The following CDH23 variants were observed in gnomAD, a reference collection of about 807,000 sequenced individuals.
CDH23 encodes the protein cadherin-23.
Under a neutral mutation model 317.1 loss-of-function variants are expected in CDH23, and 189 were observed. The observed-to-expected ratio is 0.60, with a 90% CI of 0.53 to 0.67. The LOEUF (loss-of-function observed/expected upper bound fraction) is 0.67. Ranked by LOEUF, CDH23 falls within the 30% of genes least tolerant of loss-of-function variation. The probability of loss-of-function intolerance (pLI) is 0.00; values close to 1 mark genes in which losing one functional copy is unlikely to be tolerated. For synonymous variants in CDH23, 1,839 were observed against 1,876.8 expected (o/e 0.98, Z 0.52); for missense variants, 4,401 against 4,592.4 (o/e 0.96, Z 1.20).
chr10:71,814,681 T>TAC lies in CDH23; in HGVS notation c.9739-259_9739-258dup, dbSNP rs111594040. Among the ~76,000 whole-genome samples, 35,880 of 147,734 alleles carry TAC rather than the reference T, an allele frequency of 0.24. 4,952 individuals carry two copies. Among genetic ancestry groups the TAC allele is most frequent in the African/African-American group, 0.37 (15,156 of 40,610 alleles). On this transcript the variant is annotated intron_variant, in intron 69 of 69. Transcript: ENST00000224721. ...ACACACAATTTTCACAAGAAGCCGA[T>TAC]ACACACACACACAATTTTCACAAGA...
chr10:71,752,308 AC>A (rs1748190724), intron 38 of CDH23, among the ~76,000 whole-genome samples: 1 of 152,046 alleles, frequency 6.6e-6, no homozygotes. Context: ...ACTTCTGAAG[AC>A]CCCTGCAACT....
chr10:71,403,329 T>TCC (rs1372529060), intron 1 of CDH23, among the ~76,000 whole-genome samples: 2,920 of 24,210 alleles, frequency 0.12, 581 homozygotes, highest in African/African-American at 0.31. Context: ...CTTCCTTCCT[T>TCC]TCTTTCTTTC....
At position 71,811,556 on chromosome 10, in the gene CDH23, C is replaced by G. The variant is rs1841925944; in HGVS notation, c.9244C>G (p.Leu3082Val). ...TATCCTCCTGTTCCTGGCCGCCATG[C>G]TCTTTGTCCTCATGAACTGGTACTA... ...LAILLFLAAM[L>V]FVLMNWYYRT... is the part of the protein sequence containing the mutation. Residue 3082 changes from leucine (L) to valine (V), a missense_variant, in exon 64 of 70, where the codon CTC becomes GTC. Leu to Val is a conservative substitution (Grantham distance 32). This residue lies in a region of CDH23 where 1,144 missense variants were observed against 1,138.2 expected (regional missense o/e 1.01). Coordinates refer to ENST00000224721, the MANE Select transcript of CDH23 (RefSeq NM_022124.6). 1 of 1,614,006 alleles carries G rather than the reference C, an allele frequency of 6.2e-7. No homozygotes were observed. Among genetic ancestry groups the G allele is most frequent in the Non-Finnish European group, 8.5e-7 (1 of 1,179,890 alleles).
At chr10:71,772,779 C>A (rs1321291356) in intron 38 of CDH23, among the ~76,000 whole-genome samples, 1 of 152,204 alleles carries the variant, frequency 6.6e-6, no homozygotes, top group Non-Finnish European at 1.5e-5. Flanking sequence ...TATTCCTGGG[C>A]CATCAGACCC....
chr10:71,730,888 A>C (rs1288545124), intron 31 of CDH23, among the ~76,000 whole-genome samples: 1 of 152,236 alleles, frequency 6.6e-6, no homozygotes, highest in Non-Finnish European at 1.5e-5. Flanking sequence ...AGCAGCTCCC[A>C]CTAGCCTTTA....
At chr10:71,525,645 G>A (rs1048104552) in intron 6 of CDH23, among the ~76,000 whole-genome samples, 1 of 152,176 alleles carries the variant, frequency 6.6e-6, no homozygotes, top group African/African-American at 2.4e-5. Context: ...CCATAGGTGG[G>A]GAGAGAGGGA....
intron 3 of CDH23, among the ~76,000 whole-genome samples, chr10:71,482,055 C>T (rs944968323): frequency 1.3e-5 from 2 of 152,158 alleles, no homozygotes; most frequent in African/African-American, 2.4e-5. Flanking sequence ...TGAGGCCCTT[C>T]GCAATGAGGG....
chr10:71,475,265 G>T (rs1321513036), intron 3 of CDH23, among the ~76,000 whole-genome samples: 1 of 152,200 alleles, frequency 6.6e-6, no homozygotes, highest in Non-Finnish European at 1.5e-5. Context: ...GAGCGTCCCT[G>T]ACCTCTCCAG....
At chr10:71,624,734 CTAT>C (rs57038733) in intron 11 of CDH23, among the ~76,000 whole-genome samples, 50,189 of 146,052 alleles carry the variant, frequency 0.34, 9,544 homozygotes, top group East Asian at 0.59. Context: ...TAGACATTAG[CTAT>C]TATTATTATT....
Position 71,815,186 on chromosome 10 carries a change from C to T in CDH23, c.9973C>T (p.Arg3325Cys), listed in dbSNP as rs766510687. Residue 3325 changes from arginine (R) to cysteine (C), a missense_variant, in exon 70 of 70, where the codon CGC (arginine) becomes TGC (cysteine). Physicochemically the swap from Arg to Cys is radical, Grantham distance 180. Transcript: ENST00000224721. ...LTAAEATAFE[R>C]NARTESAKST... ...CGCTGCCGAGGCCACTGCCTTCGAG[C>T]GCAACGCCCGCACAGAATCCGCCAA... 9 of 1,610,294 alleles carry T rather than the reference C, an allele frequency of 5.6e-6. No individual in the cohort carries two copies. Among genetic ancestry groups the T allele is most frequent in the Admixed American group, 5.0e-5 (3 of 59,884 alleles).
intron 6 of CDH23, among the ~76,000 whole-genome samples, chr10:71,544,032 G>C (rs1197756015): frequency 6.6e-6 from 1 of 152,244 alleles, no homozygotes; most frequent in Non-Finnish European, 1.5e-5. Context: ...CTGCTTTAAA[G>C]GGCCAGCCTC....
intron 8 of CDH23, among the ~76,000 whole-genome samples, chr10:71,572,490 T>C (rs1476587099): frequency 2.0e-5 from 3 of 152,180 alleles, no homozygotes; most frequent in African/African-American, 7.2e-5. Flanking sequence ...CAGGGTCTGC[T>C]GTGGGCATAA....
intron 1 of CDH23, among the ~76,000 whole-genome samples, chr10:71,429,535 A>G (rs1849267674): frequency 1.3e-5 from 2 of 152,188 alleles, no homozygotes; most frequent in Non-Finnish European, 2.9e-5. Context: ...GATCAAGCCC[A>G]GTGATGGCCA....
Position 71,645,950 on chromosome 10 carries a change from C to T in CDH23, c.1260C>T (p.Asp420=). The T allele has an allele frequency of 1.2e-6, 2 of 1,613,470 alleles. No homozygotes were observed. Among genetic ancestry groups the T allele is most frequent in the South Asian group, 1.1e-5 (1 of 91,000 alleles). Residue 420 remains aspartate, a synonymous_variant, in exon 13 of 70, where the codon GAC becomes GAT. Coordinates refer to ENST00000224721, the MANE Select transcript of CDH23 (RefSeq NM_022124.6). ...DIRIRVAIPL[D]YETVDRYDFD... ...GTATTCGGGTGGCCATCCCACTGGA[C>T]TACGAGACCGTGGACCGCTACGACT... is the stretch of plus-strand genomic sequence containing the variant.
intron 6 of CDH23, among the ~76,000 whole-genome samples, chr10:71,558,145 C>T (rs1856960260): frequency 6.6e-6 from 1 of 151,992 alleles, no homozygotes; most frequent in African/African-American, 2.4e-5. Context: ...TTATGGGCAC[C>T]CACTACCATG....
intron 14 of CDH23, among the ~76,000 whole-genome samples, chr10:71,673,970 C>G (rs991020812): frequency 2.0e-5 from 3 of 152,142 alleles, no homozygotes; most frequent in Non-Finnish European, 4.4e-5. Flanking sequence ...GAGCTCTGAG[C>G]CTGGCTGGGG....
chr10:71,811,830 G>A (rs1841939820), intron 65 of CDH23, 77 bp downstream of exon 65: 3 of 1,570,864 alleles, frequency 1.9e-6, no homozygotes, highest in Non-Finnish European at 2.6e-6. Flanking sequence ...GGAGCCACAA[G>A]CCTGGCTCAG....
intron 3 of CDH23, among the ~76,000 whole-genome samples, chr10:71,492,232 C>T (rs538595414): frequency 6.6e-6 from 1 of 152,332 alleles, no homozygotes; most frequent in East Asian, 1.9e-4. Flanking sequence ...AGCCTACCCT[C>T]AACTTACCCA....
intron 1 of CDH23, among the ~76,000 whole-genome samples, chr10:71,404,065 C>T (rs971360372): frequency 2.0e-5 from 3 of 152,192 alleles, no homozygotes; most frequent in Admixed American, 6.5e-5. Context: ...GCACTCCAGC[C>T]TGGGCGGCAG....
Sources: gnomAD v4.1 joint callset for allele counts (sites outside exome capture counted in the v4.1 genomes callset) on GRCh38, gnomAD v4.1.1 for gene constraint, gnomAD v4.1.1 regional missense constraint, MANE v1.5 for transcripts, NCBI Gene and HGNC (gene_info 2026-07-23, HGNC 2026-07-21) for gene names.